Variants in ZC4H2 observed in about 807,000 individuals in gnomAD.
ZC4H2 encodes the protein zinc finger C4H2-type containing.
For missense variants in ZC4H2, 137 were observed against 173.9 expected (o/e 0.79, Z 1.19); for synonymous variants, 84 against 66.3 (o/e 1.27, Z -1.30).
intron 1 of ZC4H2, among the ~76,000 whole-genome samples, chrX:65,027,441 G>C (rs2147296103): frequency 9.0e-6 from 1 of 111,597 alleles, no homozygotes; most frequent in Admixed American, 9.6e-5. Flanking sequence ...AAAAAATTAG[G>C]AGGAAATAAA....
chrX:64,935,370 G>A (rs1929956332), intron 1 of ZC4H2, among the ~76,000 whole-genome samples: 1 of 112,240 alleles, frequency 8.9e-6, no homozygotes, highest in Non-Finnish European at 1.9e-5. Context: ...CAGAGCACCA[G>A]TGGGAAGGGG....
intron 1 of ZC4H2, among the ~76,000 whole-genome samples, chrX:65,024,317 T>C (rs1932860194): frequency 9.0e-6 from 1 of 111,440 alleles, no homozygotes; most frequent in South Asian, 3.8e-4. Flanking sequence ...CACCATGAGA[T>C]ACCATCTCAC....
At chrX:64,959,246 T>A (rs957661267) in intron 1 of ZC4H2, among the ~76,000 whole-genome samples, 2 of 108,187 alleles carry the variant, frequency 1.8e-5, no homozygotes, top group Non-Finnish European at 3.8e-5. Context: ...GTCCCCAATA[T>A]CAAACACCAC....
intron 1 of ZC4H2, among the ~76,000 whole-genome samples, chrX:65,032,271 G>C (rs1419031820): frequency 8.9e-6 from 1 of 112,315 alleles, no homozygotes; most frequent in African/African-American, 3.2e-5. Flanking sequence ...AAAAATGTGT[G>C]ATAGAATGTG....
chrX:64,973,814 C>T (rs1368904387), intron 1 of ZC4H2, among the ~76,000 whole-genome samples: 2 of 111,478 alleles, frequency 1.8e-5, no homozygotes, highest in Admixed American at 1.9e-4. Flanking sequence ...GCTAGGGCAT[C>T]GTCAGTTTCT....
rs1207993534 is a variant in ZC4H2 at position 64,916,297 on chromosome X, T to C, written c.*1486A>G. ...AAATAAATGGAAATTATTGTGATAA[T>C]TAGGTAAATTATTGTCCTTGGTGCC... On this transcript the variant is annotated 3_prime_UTR_variant, in exon 5 of 5. Coordinates refer to ENST00000374839, the MANE Select transcript of ZC4H2 (RefSeq NM_018684.4). The C allele has an allele frequency of 9.0e-6, 1 of 111,619 alleles. No homozygotes were observed. The highest frequency in any genetic ancestry group is 2.8e-4 in the East Asian group (1 of 3,567). The allele number at this position is 111,619 out of a possible 1,213,427, so 9.2% of individuals were successfully genotyped here. A position where few individuals can be genotyped will look rare whatever the true frequency, so the allele number is the denominator to read the frequency against.
chrX:64,944,154 T>G (rs1930423381), intron 1 of ZC4H2, among the ~76,000 whole-genome samples: 1 of 102,321 alleles, frequency 9.8e-6, no homozygotes, highest in African/African-American at 3.6e-5. Flanking sequence ...TTTTTTTTTT[T>G]TTTTGAGATG....
At chrX:64,981,463 A>G (rs1251792832) in intron 1 of ZC4H2, among the ~76,000 whole-genome samples, 1 of 110,807 alleles carries the variant, frequency 9.0e-6, no homozygotes, top group Non-Finnish European at 1.9e-5. Context: ...GATTGGGAAC[A>G]TATTATTGGG....
At chrX:64,962,124 G>A (rs997558016) in intron 1 of ZC4H2, among the ~76,000 whole-genome samples, 2 of 111,329 alleles carry the variant, frequency 1.8e-5, no homozygotes, top group Non-Finnish European at 3.8e-5. Context: ...GAAAACTAGA[G>A]GACACTATCT....
intron 1 of ZC4H2, among the ~76,000 whole-genome samples, chrX:64,999,045 T>G (rs1932477930): frequency 1.1e-5 from 1 of 92,973 alleles, no homozygotes; most frequent in African/African-American, 4.0e-5. Context: ...ATGTGTTTTT[T>G]TTTTTTTTTT....
Position 64,919,327 on chromosome X carries a change from C to A in ZC4H2, c.399-123G>T, listed in dbSNP as rs180675711. The A allele has an allele frequency of 2.3e-3, 1,739 of 755,175 alleles. 1 individual carries two copies. The highest frequency in any genetic ancestry group is 3.0e-3 in the Non-Finnish European group (1,570 of 519,385). 62.2% of individuals were successfully genotyped at this position (755,175 alleles called of 1,213,427 possible). A position where few individuals can be genotyped will look rare whatever the true frequency, so the allele number is the denominator to read the frequency against. The stretch of plus-strand genomic sequence containing the variant: ...GGCTCATTCTAGAAGGTCCCCACAC[C>A]TTCCCAAGCACAAGGCTATTGTCCC... On this transcript the variant is annotated intron_variant, in intron 3 of 4. Coordinates refer to ENST00000374839, the MANE Select transcript of ZC4H2 (RefSeq NM_018684.4).
intron 1 of ZC4H2, among the ~76,000 whole-genome samples, chrX:64,957,044 C>T (rs1347448285): frequency 8.9e-6 from 1 of 112,440 alleles, no homozygotes; most frequent in Non-Finnish European, 1.9e-5. Flanking sequence ...CATTTGAGTC[C>T]ATGAGGACAA....
At chrX:64,989,164 C>T (rs1269385462) in intron 1 of ZC4H2, among the ~76,000 whole-genome samples, 1 of 111,697 alleles carries the variant, frequency 9.0e-6, no homozygotes, top group Admixed American at 9.5e-5. Flanking sequence ...ATGCCTCCAG[C>T]TTTGTTCTTT....
intron 1 of ZC4H2, among the ~76,000 whole-genome samples, chrX:64,962,585 T>C (rs1415858271): frequency 9.0e-6 from 1 of 111,139 alleles, no homozygotes; most frequent in African/African-American, 3.3e-5. Context: ...TCACCAAAAT[T>C]GAGAAGGAAA....
intron 1 of ZC4H2, among the ~76,000 whole-genome samples, chrX:65,006,747 A>T (rs1932669092): frequency 8.9e-6 from 1 of 112,206 alleles, no homozygotes; most frequent in African/African-American, 3.2e-5. Context: ...TTATAATCTT[A>T]TGGGGCGACC....
At chrX:64,961,574 T>G (rs745663034) in intron 1 of ZC4H2, among the ~76,000 whole-genome samples, 1 of 111,228 alleles carries the variant, frequency 9.0e-6, no homozygotes, top group Non-Finnish European at 1.9e-5. Context: ...TTGAAGGAAA[T>G]AATGAAGAGA....
intron 1 of ZC4H2, among the ~76,000 whole-genome samples, chrX:64,971,301 G>T (rs905286516): frequency 3.6e-5 from 4 of 112,166 alleles, no homozygotes; most frequent in African/African-American, 1.3e-4. Context: ...AGGAGAGACT[G>T]TAGACAGGGA....
chrX:64,992,473 A>G (rs1367771835), intron 1 of ZC4H2, among the ~76,000 whole-genome samples: 1 of 111,865 alleles, frequency 8.9e-6, no homozygotes, highest in Non-Finnish European at 1.9e-5. Context: ...TGTGGGGTTC[A>G]GAATTTATTC....
chrX:65,023,621 G>A (rs1932853368), intron 1 of ZC4H2, among the ~76,000 whole-genome samples: 1 of 111,879 alleles, frequency 8.9e-6, no homozygotes, highest in Admixed American at 9.5e-5. Flanking sequence ...ATGCTGGTGA[G>A]GATCTGGAGA....
Sources: gnomAD v4.1 joint callset for allele counts (sites outside exome capture counted in the v4.1 genomes callset) on GRCh38, gnomAD v4.1.1 for gene constraint, MANE v1.5 for transcripts, NCBI Gene and HGNC (gene_info 2026-07-23, HGNC 2026-07-21) for gene names.